ADK: variants seen among roughly 807,000 people sequenced by gnomAD.
The protein encoded by ADK is N6,N6-dimethyladenosine kinase.
ADK carries 24 observed loss-of-function variants against 44.7 expected under a neutral mutation model. That is an observed-to-expected ratio of 0.54 (90% CI 0.39 to 0.76). ADK has a LOEUF of 0.76. ADK is among the 30% of genes least tolerant of loss of function. ADK has a pLI of 0.00. For missense variants in ADK, 321 were observed against 425.1 expected (o/e 0.76, Z 2.15); for synonymous variants, 128 against 142.6 (o/e 0.90, Z 0.73).
chr10:74,372,505 G>T (rs1313794053), intron 4 of ADK: 1 of 391,166 alleles, frequency 2.6e-6, no homozygotes, highest in Non-Finnish European at 4.7e-6. Flanking sequence ...AATGCATTCA[G>T]CAAGGTTGAC....
chr10:74,308,797 G>A (rs909348036), intron 3 of ADK, among the ~76,000 whole-genome samples: 13 of 152,072 alleles, frequency 8.5e-5, no homozygotes, highest in African/African-American at 2.9e-4. Flanking sequence ...TTAACACAAC[G>A]TGAGGTCTTC....
intron 6 of ADK, among the ~76,000 whole-genome samples, chr10:74,456,705 A>T (rs1845961625): frequency 6.7e-6 from 1 of 148,548 alleles, no homozygotes; most frequent in Non-Finnish European, 1.5e-5. Flanking sequence ...ACTGAAAACC[A>T]CCCAACCACT....
chr10:74,438,231 TC>T (rs1184141043), intron 6 of ADK, among the ~76,000 whole-genome samples: 1 of 145,538 alleles, frequency 6.9e-6, no homozygotes, highest in African/African-American at 2.8e-5. Flanking sequence ...CCTCTCTCTC[TC>T]TTTTTTTTTT....
At chr10:74,527,822 C>A in intron 7 of ADK, 1 of 1,313,952 alleles carries the variant, frequency 7.6e-7, no homozygotes. Flanking sequence ...AATAGAGTGG[C>A]CCTCTTGCTT....
chr10:74,335,178 G>A (rs946496217), intron 4 of ADK, among the ~76,000 whole-genome samples: 7 of 152,124 alleles, frequency 4.6e-5, no homozygotes, highest in Non-Finnish European at 7.4e-5. Context: ...ATGGAATGGG[G>A]GGTAGCTGGC....
chr10:74,274,233 T>G (rs191931733), intron 3 of ADK, among the ~76,000 whole-genome samples: 2 of 152,282 alleles, frequency 1.3e-5, no homozygotes, highest in African/African-American at 4.8e-5. Context: ...AAACACTGTA[T>G]TCTTACAATA....
chr10:74,507,577 T>A (rs906016773), intron 6 of ADK, among the ~76,000 whole-genome samples: 2 of 151,938 alleles, frequency 1.3e-5, no homozygotes, highest in African/African-American at 4.8e-5. Context: ...ATCGTGCCAC[T>A]CCACTCCAGC....
chr10:74,704,819 C>CT (rs1333009437), intron 10 of ADK, among the ~76,000 whole-genome samples: 1 of 152,200 alleles, frequency 6.6e-6, no homozygotes, highest in East Asian at 1.9e-4. Context: ...GTAAGCTGAT[C>CT]TGACTCTGAA....
rs112112514 is a variant in ADK at position 74,274,019 on chromosome 10, T to G, written c.195-40648T>G. On this transcript the variant is annotated intron_variant, in intron 3 of 10. Transcript: ENST00000539909. ...CATCAAGGACTTAAGAAGGAAAGGC[T>G]TAAACATTTTTTTTTTGACTCAAGA... Among the ~76,000 whole-genome samples, 762 of 152,250 alleles carry G rather than the reference T, an allele frequency of 5.0e-3. 11 individuals carry two copies. Among genetic ancestry groups the G allele is most frequent in the African/African-American group, 0.017 (710 of 41,550 alleles).
At chr10:74,659,675 C>T (rs1854625777) in intron 9 of ADK, among the ~76,000 whole-genome samples, 1 of 152,146 alleles carries the variant, frequency 6.6e-6, no homozygotes, top group Non-Finnish European at 1.5e-5. Flanking sequence ...AATAGACCAC[C>T]TACAAGCTAG....
At chr10:74,455,358 A>G (rs1293211702) in intron 6 of ADK, among the ~76,000 whole-genome samples, 1 of 152,058 alleles carries the variant, frequency 6.6e-6, no homozygotes, top group East Asian at 1.9e-4. Context: ...TAAAAAATAA[A>G]AATTACCCAT....
chr10:74,403,681 A>G (rs1445299159), intron 6 of ADK, among the ~76,000 whole-genome samples: 1 of 151,662 alleles, frequency 6.6e-6, no homozygotes, highest in Non-Finnish European at 1.5e-5. Flanking sequence ...GAATTCCCCA[A>G]CCCCTTGCGC....
intron 6 of ADK, among the ~76,000 whole-genome samples, chr10:74,399,186 C>G (rs576559768): frequency 2.0e-5 from 3 of 150,960 alleles, no homozygotes; most frequent in Non-Finnish European, 4.4e-5. Context: ...AATTAATCAC[C>G]CCATGATTAC....
At chr10:74,187,661 G>C (rs560600132) in intron 1 of ADK, among the ~76,000 whole-genome samples, 5 of 152,076 alleles carry the variant, frequency 3.3e-5, no homozygotes, top group African/African-American at 4.8e-5. Context: ...TACCTTTTCT[G>C]TTCTAAGAAG....
At chr10:74,577,420 G>T in intron 7 of ADK, among the ~76,000 whole-genome samples, 1 of 151,482 alleles carries the variant, frequency 6.6e-6, no homozygotes, top group Non-Finnish European at 1.5e-5. Context: ...ACTGGTTATT[G>T]GTAATATTTG....
chr10:74,697,840 G>A (rs1856262955), intron 10 of ADK, among the ~76,000 whole-genome samples: 1 of 152,128 alleles, frequency 6.6e-6, no homozygotes, highest in African/African-American at 2.4e-5. Flanking sequence ...GAGCACACCA[G>A]CAATCCTACC....
At chr10:74,672,378 C>T (rs970676374) in intron 10 of ADK, among the ~76,000 whole-genome samples, 1 of 152,136 alleles carries the variant, frequency 6.6e-6, no homozygotes, top group Non-Finnish European at 1.5e-5. Flanking sequence ...CAGAGTTGGC[C>T]TACAGACTAT....
intron 10 of ADK, among the ~76,000 whole-genome samples, chr10:74,690,265 T>C (rs1855940181): frequency 6.6e-6 from 1 of 152,166 alleles, no homozygotes; most frequent in Non-Finnish European, 1.5e-5. Flanking sequence ...GAAGCTGAGA[T>C]GGGTGGATCG....
intron 6 of ADK, among the ~76,000 whole-genome samples, chr10:74,517,196 A>G (rs1164704083): frequency 2.0e-5 from 3 of 152,134 alleles, no homozygotes; most frequent in Admixed American, 2.0e-4. Context: ...CTAGAAATAG[A>G]CTTCTAGGAT....
Sources: allele counts gnomAD v4.1 joint callset (sites outside exome capture counted in the v4.1 genomes callset), GRCh38; gene constraint gnomAD v4.1.1; transcripts MANE v1.5; gene names NCBI Gene and HGNC (gene_info 2026-07-23, HGNC 2026-07-21).